Variants in HDAC4 observed in about 807,000 individuals in gnomAD.
The protein encoded by HDAC4 is histone deacetylase 4, also known as histone deacetylase A.
Under a neutral mutation model 135.1 loss-of-function variants are expected in HDAC4, and 16 were observed. The observed-to-expected ratio is 0.12, with a 90% CI of 0.08 to 0.18. HDAC4 has a LOEUF of 0.18. HDAC4 is among the 10% of genes least tolerant of loss of function. The pLI, the probability that HDAC4 is intolerant of heterozygous loss-of-function variation, is 1.00. For synonymous variants in HDAC4, 685 were observed against 653.4 expected (o/e 1.05, Z -0.74); for missense variants, 1,143 against 1,511.8 (o/e 0.76, Z 4.05).
intron 2 of HDAC4, among the ~76,000 whole-genome samples, chr2:239,314,427 A>G (rs13391934): frequency 0.099 from 15,023 of 151,944 alleles, 1,323 homozygotes; most frequent in East Asian, 0.42. Context: ...GGCTTCCTCA[A>G]CCTCCCTGTG....
rs914951818 is a variant in HDAC4 at position 239,306,784 on chromosome 2, A to G, written c.22+45894T>C. Among the ~76,000 whole-genome samples the G allele has an allele frequency of 1.3e-5, 2 of 152,062 alleles. No homozygotes were observed. The highest frequency in any genetic ancestry group is 4.8e-5 in the African/African-American group (2 of 41,422). On this transcript the variant is annotated intron_variant, in intron 2 of 26. Coordinates refer to ENST00000543185, the MANE Select transcript of HDAC4 (RefSeq NM_001378414.1). This position sits in a 1 kb window ranked among gnomAD's most constrained non-coding sequence, Gnocchi z 4.5. ...AGGGGCGAAGGCAGGACCCCACCCC[A>G]GCCAACAACCGGGAGACCCTGGCCT...
chr2:239,082,265 G>A, intron 20 of HDAC4, 44 bp from the exon 21 acceptor site: 1 of 1,613,904 alleles, frequency 6.2e-7, no homozygotes, highest in Non-Finnish European at 8.5e-7. Flanking sequence ...GGCAGGTATT[G>A]GAGGGTGGCC....
intron 24 of HDAC4, among the ~76,000 whole-genome samples, chr2:239,057,203 C>T (rs570742444): frequency 2.6e-5 from 4 of 152,252 alleles, no homozygotes; most frequent in African/African-American, 9.6e-5. Context: ...ACGATCTCTA[C>T]AATGTTTCTG....
intron 2 of HDAC4, among the ~76,000 whole-genome samples, chr2:239,261,342 C>G (rs965680458): frequency 6.6e-6 from 1 of 152,194 alleles, no homozygotes; most frequent in African/African-American, 2.4e-5. Context: ...GTACAGAAGG[C>G]ACCAAGTCCA....
intron 2 of HDAC4, among the ~76,000 whole-genome samples, chr2:239,286,775 C>CG (rs2051160519): frequency 1.3e-5 from 2 of 151,944 alleles, no homozygotes; most frequent in African/African-American, 4.8e-5. Context: ...TGAGGTAGGC[C>CG]GGCCAAGGAT....
chr2:239,179,773 G>A (rs2044022672), intron 4 of HDAC4, among the ~76,000 whole-genome samples: 1 of 152,252 alleles, frequency 6.6e-6, no homozygotes, highest in Admixed American at 6.5e-5. Context: ...GGGATGGGGG[G>A]CTGGGTCCCT....
chr2:239,168,016 G>A (rs1272074815), intron 5 of HDAC4, among the ~76,000 whole-genome samples: 3 of 152,180 alleles, frequency 2.0e-5, no homozygotes, highest in Admixed American at 2.0e-4. Flanking sequence ...CTGTGCTCCC[G>A]GAGGGCCGTG....
intron 3 of HDAC4, among the ~76,000 whole-genome samples, chr2:239,222,836 C>T (rs6722812): frequency 1.0e-3 from 157 of 152,314 alleles, no homozygotes; most frequent in African/African-American, 3.5e-3. Context: ...CAGGTCCCAG[C>T]GGGGACCTGG....
chr2:239,398,974 TA>T (rs1553618431), intron 1 of HDAC4, among the ~76,000 whole-genome samples: 1 of 152,248 alleles, frequency 6.6e-6, no homozygotes, highest in Non-Finnish European at 1.5e-5. Context: ...ATTTGATCTC[TA>T]AAATAAAAGC....
chr2:239,115,773 C>T lies in HDAC4; in HGVS notation c.1534-463G>A, dbSNP rs891619287. ...GTCCACAATGCTCACTGCCCAATCC[C>T]ACCAACACGCCACGGCCTCCCCTCC... On this transcript the variant is annotated intron_variant, in intron 12 of 26. Transcript: ENST00000543185. The surrounding 1 kb of genome is among the most constrained non-coding windows in gnomAD (Gnocchi z 6.3). Among the ~76,000 whole-genome samples the T allele has an allele frequency of 4.6e-5, 7 of 152,154 alleles. No individual in the cohort carries two copies. The highest frequency in any genetic ancestry group is 4.6e-4 in the Admixed American group (7 of 15,286).
intron 1 of HDAC4, among the ~76,000 whole-genome samples, chr2:239,396,647 A>G (rs1696580622): frequency 6.6e-6 from 1 of 152,194 alleles, no homozygotes; most frequent in East Asian, 1.9e-4. Flanking sequence ...TTAAGCTTAC[A>G]CAGGCATAAT....
rs2052793304 is a variant in HDAC4 at position 239,309,963 on chromosome 2, C to A, written c.22+42715G>T. ...CAGGGTGGCCCGAGCCAGCATCAGG[C>A]ACAAGGCCCAAGGAGTTTCTCCAGA... On this transcript the variant is annotated intron_variant, in intron 2 of 26. Transcript: ENST00000543185. This position sits in a 1 kb window ranked among gnomAD's most constrained non-coding sequence, Gnocchi z 4.2. Among the ~76,000 whole-genome samples, 1 of 152,218 alleles carries A rather than the reference C, an allele frequency of 6.6e-6. No homozygotes were observed. The highest frequency in any genetic ancestry group is 2.4e-5 in the African/African-American group (1 of 41,456).
rs2041793030 is a variant in HDAC4, at chr2:239,146,767, G to A, written c.734-2053C>T. Among the ~76,000 whole-genome samples the A allele has an allele frequency of 6.8e-6, 1 of 146,414 alleles. No homozygotes were observed. The highest frequency in any genetic ancestry group is 2.6e-5 in the African/African-American group (1 of 39,094). ...TCTGCTCCACGCCCCTCCCAAGGCT[G>A]CCCTGACCCCCCACAGCCCCACTGC... On this transcript the variant is annotated intron_variant, in intron 7 of 26. Coordinates refer to ENST00000543185, the MANE Select transcript of HDAC4 (RefSeq NM_001378414.1). The surrounding 1 kb of genome is among the most constrained non-coding windows in gnomAD (Gnocchi z 4.5).
chr2:239,166,296 C>T (rs572547877), intron 5 of HDAC4, among the ~76,000 whole-genome samples: 14 of 152,316 alleles, frequency 9.2e-5, no homozygotes, highest in Non-Finnish European at 1.9e-4. Flanking sequence ...ACATTAACTA[C>T]ACGACCACCA....
chr2:239,051,644 G>T lies in HDAC4; in HGVS notation c.*1453C>A, dbSNP rs1368973400. On this transcript the variant is annotated 3_prime_UTR_variant, in exon 27 of 27. Coordinates refer to ENST00000543185, the MANE Select transcript of HDAC4 (RefSeq NM_001378414.1). Reference sequence around the variant, plus strand: ...GCATGAAGGCTTGGAGACGGGAGCGGTTCTGTTAGAAAATAATTAAAATGA... The same window carrying T: ...GCATGAAGGCTTGGAGACGGGAGCGTTTCTGTTAGAAAATAATTAAAATGA... 6.6e-6 allele frequency: 1 copy of T among 152,602 alleles called. No homozygotes were observed. Among genetic ancestry groups the T allele is most frequent in the Admixed American group, 6.5e-5 (1 of 15,274 alleles). The allele number at this position is 152,602 out of a possible 1,614,324, so 9.5% of individuals were successfully genotyped here.
intron 5 of HDAC4, among the ~76,000 whole-genome samples, chr2:239,164,642 T>A (rs1277610306): frequency 6.6e-6 from 1 of 152,260 alleles, no homozygotes; most frequent in Non-Finnish European, 1.5e-5. Context: ...AGTACTTCTA[T>A]CCTTCTTACA....
At chr2:239,062,366 A>AGATC (rs2032878300) in intron 24 of HDAC4, among the ~76,000 whole-genome samples, 1 of 152,260 alleles carries the variant, frequency 6.6e-6, no homozygotes, top group African/African-American at 2.4e-5. Flanking sequence ...TGTGTGTGCC[A>AGATC]GATCGCCTGG....
chr2:239,091,675 C>G (rs1354027195), intron 17 of HDAC4: 1 of 152,176 alleles, frequency 6.6e-6, no homozygotes, highest in East Asian at 1.9e-4. Context: ...CTTGAAGCTT[C>G]ATCATCAAAG....
chr2:239,243,431 C>G (rs992993589), intron 2 of HDAC4, among the ~76,000 whole-genome samples: 13 of 152,148 alleles, frequency 8.5e-5, no homozygotes, highest in African/African-American at 3.1e-4. Context: ...GGATTACAGG[C>G]GTGAGCCACC....
Sources: gnomAD v4.1 joint callset for allele counts (sites outside exome capture counted in the v4.1 genomes callset) on GRCh38, gnomAD v4.1.1 for gene constraint, Gnocchi (gnomAD v3.1) non-coding constraint, MANE v1.5 for transcripts, NCBI Gene and HGNC (gene_info 2026-07-23, HGNC 2026-07-21) for gene names.